GAS6: variants seen among roughly 807,000 people sequenced by gnomAD.
GAS6 encodes growth arrest specific 6, also known as growth arrest-specific protein 6.
Under a neutral mutation model 75.8 loss-of-function variants are expected in GAS6, and 41 were observed. The ratio of observed to expected loss-of-function variants is 0.54; its 90% CI spans 0.42 to 0.70. GAS6 has a LOEUF of 0.70. Among genes scored for constraint, GAS6 ranks in the 30% least tolerant of loss-of-function variants. The pLI, the probability that GAS6 is intolerant of heterozygous loss-of-function variation, is 0.00. For missense variants in GAS6, 854 were observed against 940.2 expected, an observed-to-expected ratio of 0.91 and a Z score of 1.20; for synonymous variants, 432 against 412.6, an observed-to-expected ratio of 1.05 and a Z score of -0.57.
rs751637569 is a variant in GAS6, at chr13:113,823,566, T to A, written c.1478-16A>T. ...GGGGTCCGCACTGCAATGAAAGCGG[T>A]GCATTATAGGGTGGTATGCACGGTG... On this transcript the variant is annotated splice_polypyrimidine_tract_variant and intron_variant, in intron 12 of 14. Coordinates refer to ENST00000327773, the MANE Select transcript of GAS6 (RefSeq NM_000820.4). 7.5e-6 allele frequency: 12 copies of A among 1,603,690 alleles called. No homozygotes were observed. The highest frequency in any genetic ancestry group is 9.4e-6 in the Non-Finnish European group (11 of 1,173,922).
At chr13:113,831,332 C>A (rs1429657827) in intron 10 of GAS6, among the ~76,000 whole-genome samples, 1 of 152,142 alleles carries the variant, frequency 6.6e-6, no homozygotes, top group Non-Finnish European at 1.5e-5. Flanking sequence ...CCCTGGGAGC[C>A]AGGGCTCAGG....
intron 2 of GAS6, among the ~76,000 whole-genome samples, chr13:113,857,197 A>G (rs1470887687): frequency 6.6e-6 from 1 of 152,250 alleles, no homozygotes; most frequent in Non-Finnish European, 1.5e-5. Context: ...CCAGAAAATT[A>G]GTAGAACATT....
At chr13:113,861,497 CAA>C (rs1566377861) in intron 2 of GAS6, among the ~76,000 whole-genome samples, 2 of 152,218 alleles carry the variant, frequency 1.3e-5, no homozygotes, top group African/African-American at 4.8e-5. Context: ...AGCAACATTT[CAA>C]AGACAAGGAG....
intron 10 of GAS6, among the ~76,000 whole-genome samples, chr13:113,830,673 A>C (rs1408014628): frequency 1.2e-5 from 1 of 83,188 alleles, no homozygotes; most frequent in Admixed American, 1.3e-4. Flanking sequence ...CCCCCAGGCG[A>C]CCTCGCCTCA....
chr13:113,850,198 C>CA (rs2051862446), intron 2 of GAS6, among the ~76,000 whole-genome samples: 1 of 152,128 alleles, frequency 6.6e-6, no homozygotes, highest in Non-Finnish European at 1.5e-5. Flanking sequence ...ACTTTGTCCT[C>CA]AAAACCCTCC....
At chr13:113,850,161 C>T (rs7994900) in intron 2 of GAS6, among the ~76,000 whole-genome samples, 40,401 of 151,938 alleles carry the variant, frequency 0.27, 5,550 homozygotes, top group South Asian at 0.4. Flanking sequence ...AGATAAGCTC[C>T]CTGACCTGCA....
At chr13:113,824,043 G>C (rs1404987634) in intron 12 of GAS6, among the ~76,000 whole-genome samples, 1 of 151,632 alleles carries the variant, frequency 6.6e-6, no homozygotes, top group Admixed American at 6.6e-5. Flanking sequence ...CGGTGGTCTG[G>C]GGTCTGAGCT....
chr13:113,847,634 C>T lies in GAS6; in HGVS notation c.280+392G>A, dbSNP rs771201726. On this transcript the variant is annotated intron_variant, in intron 3 of 14. Transcript: ENST00000327773. ...GTGTTTTCGGTTTTAATTAAGAATA[C>T]GGTAAATATCAGTCAATACAGCCCA... is the stretch of plus-strand genomic sequence containing the variant. 1.4e-5 allele frequency: 3 copies of T among 208,994 alleles called. No individual in the cohort carries two copies. The Admixed American group carries it at 1.9e-4, about 13-fold the overall frequency. 12.9% of individuals were successfully genotyped at this position (208,994 alleles called of 1,614,324 possible).
Position 113,839,825 on chromosome 13 carries a change from G to A in GAS6, c.369C>T (p.Asn123=). 1.2e-6 allele frequency: 2 copies of A among 1,613,976 alleles called. No homozygotes were observed. Among genetic ancestry groups the A allele is most frequent in the Non-Finnish European group, 1.7e-6 (2 of 1,180,000 alleles). ...VQNLPDQCTP[N]PCDRKGTQAC... is the part of the protein sequence containing the mutation. ...CTTGGGTCCCCTTCCTATCGCAGGGGTTGGGCGTGCACTGGTCAGGCAGGT... is the reference window on the plus strand; with the variant it reads ...CTTGGGTCCCCTTCCTATCGCAGGGATTGGGCGTGCACTGGTCAGGCAGGT... Residue 123 remains asparagine, a synonymous_variant, in exon 5 of 15, where the codon AAC becomes AAT. Coordinates refer to ENST00000327773, the MANE Select transcript of GAS6 (RefSeq NM_000820.4).
In GAS6 at chr13:113,863,055, A is replaced by G. The variant is rs565305551; in HGVS notation, c.255+520T>C. ...CGCTGCCTCCAGGAGAGCACCTGGC[A>G]GAACGGGGCCGCGGAGCCGCCCTCC... On this transcript the variant is annotated intron_variant, in intron 2 of 14. Coordinates refer to ENST00000327773, the MANE Select transcript of GAS6 (RefSeq NM_000820.4). This position sits in a 1 kb window ranked among gnomAD's most constrained non-coding sequence, Gnocchi z 9.4. Among the ~76,000 whole-genome samples the G allele has an allele frequency of 2.0e-5, 3 of 152,304 alleles. No homozygotes were observed. The highest frequency in any genetic ancestry group is 6.5e-5 in the Admixed American group (1 of 15,300).
intron 2 of GAS6, among the ~76,000 whole-genome samples, chr13:113,849,866 T>G (rs183537932): frequency 2.0e-5 from 3 of 152,334 alleles, no homozygotes; most frequent in African/African-American, 4.8e-5. Flanking sequence ...AGAAAGCATA[T>G]GCTAATTCCA....
At position 113,848,134 on chromosome 13, in the gene GAS6, C is replaced by T. The variant is rs1030491888; in HGVS notation, c.256-84G>A. ...ACAACATAAGCATCAGCTGGTTAATCAGAGGCTGCTCTCGGGGCAGCCAGA... is the reference window on the plus strand; with the variant it reads ...ACAACATAAGCATCAGCTGGTTAATTAGAGGCTGCTCTCGGGGCAGCCAGA... On this transcript the variant is annotated intron_variant, in intron 2 of 14. Transcript: ENST00000327773. This position sits in a 1 kb window ranked among gnomAD's most constrained non-coding sequence, Gnocchi z 4.8. 6.8e-7 allele frequency: 1 copy of T among 1,474,994 alleles called. No individual in the cohort carries two copies. The highest frequency in any genetic ancestry group is 9.3e-7 in the Non-Finnish European group (1 of 1,072,724). The allele number at this position is 1,474,994 out of a possible 1,614,324, so 91.4% of individuals were successfully genotyped here.
chr13:113,847,354 A>G (rs79517671), intron 3 of GAS6, among the ~76,000 whole-genome samples: 4,708 of 152,328 alleles, frequency 0.031, 260 homozygotes, highest in African/African-American at 0.11. Context: ...ATTTACTAAA[A>G]TGCACTTTGC....
chr13:113,859,826 C>A (rs2051956611), intron 2 of GAS6, among the ~76,000 whole-genome samples: 1 of 152,094 alleles, frequency 6.6e-6, no homozygotes. Context: ...GCCTGGCCAT[C>A]ACCTTCCCCA....
intron 13 of GAS6, chr13:113,823,088 G>T (rs1436351214): frequency 2.8e-6 from 1 of 359,588 alleles, no homozygotes; most frequent in Non-Finnish European, 5.0e-6. Context: ...AGATTGCTGT[G>T]AGCCACCATC....
At chr13:113,825,566 G>T (rs1025832958) in intron 12 of GAS6, among the ~76,000 whole-genome samples, 1 of 152,176 alleles carries the variant, frequency 6.6e-6, no homozygotes, top group Admixed American at 6.5e-5. Flanking sequence ...GGCAGACGCG[G>T]CCGGCAGTCA....
At chr13:113,832,783 G>A (rs749716413) in intron 8 of GAS6, 31 bp from the exon 9 acceptor site, 1 of 1,611,770 alleles carries the variant, frequency 6.2e-7, no homozygotes, top group South Asian at 1.1e-5. Flanking sequence ...GCCGGTCGGG[G>A]ATGTGGCCTT....
chr13:113,824,487 C>T (rs2051509206), intron 12 of GAS6, among the ~76,000 whole-genome samples: 1 of 152,152 alleles, frequency 6.6e-6, no homozygotes, highest in Non-Finnish European at 1.5e-5. Flanking sequence ...ATATCCTCTC[C>T]ACGCTGAGCC....
At chr13:113,854,957 C>T (rs370463797) in intron 2 of GAS6, among the ~76,000 whole-genome samples, 46 of 152,350 alleles carry the variant, frequency 3.0e-4, no homozygotes, top group African/African-American at 1.1e-3. Context: ...TTCCTCCGTG[C>T]CCACCCCAGC....
Sources: gnomAD v4.1 joint callset for allele counts (sites outside exome capture counted in the v4.1 genomes callset) on GRCh38, gnomAD v4.1.1 for gene constraint, Gnocchi (gnomAD v3.1) non-coding constraint, MANE v1.5 for transcripts, NCBI Gene and HGNC (gene_info 2026-07-23, HGNC 2026-07-21) for gene names.